The following PDE9A variants were observed in gnomAD, a reference collection of about 807,000 sequenced individuals.
The protein encoded by PDE9A is phosphodiesterase 9A, also known as high affinity cGMP-specific 3',5'-cyclic phosphodiesterase 9A.
Under a neutral mutation model 87.4 loss-of-function variants are expected in PDE9A, and 60 were observed. That is an observed-to-expected ratio of 0.69 (90% CI 0.56 to 0.85). The LOEUF (loss-of-function observed/expected upper bound fraction) is 0.85. Ranked by LOEUF, PDE9A falls within the 40% of genes least tolerant of loss-of-function variation. PDE9A has a pLI of 0.00. For synonymous variants in PDE9A, 272 were observed against 279.4 expected (o/e 0.97, Z 0.27); for missense variants, 665 against 779.0 (o/e 0.85, Z 1.74).
intron 1 of PDE9A, among the ~76,000 whole-genome samples, chr21:42,669,696 A>G (rs983645923): frequency 6.6e-6 from 1 of 152,152 alleles, no homozygotes; most frequent in African/African-American, 2.4e-5. Context: ...CAGTTTCAAC[A>G]TCAGTGACAT....
chr21:42,706,439 G>A (rs1468177553), intron 4 of PDE9A, among the ~76,000 whole-genome samples: 1 of 152,158 alleles, frequency 6.6e-6, no homozygotes, highest in Non-Finnish European at 1.5e-5. Context: ...GAGGTCAGGA[G>A]TTTGAGACCA....
At chr21:42,663,306 C>T (rs1159849693) in intron 1 of PDE9A, among the ~76,000 whole-genome samples, 1 of 150,952 alleles carries the variant, frequency 6.6e-6, no homozygotes, top group African/African-American at 2.4e-5. Flanking sequence ...CACATACATA[C>T]ACACCGCGCA....
In PDE9A at chr21:42,695,319, C is replaced by T. The variant is rs2060082628; in HGVS notation, c.219-3649C>T. Among the ~76,000 whole-genome samples, 2 of 152,210 alleles carry T rather than the reference C, an allele frequency of 1.3e-5. No individual in the cohort carries two copies. The highest frequency in any genetic ancestry group is 2.1e-4 in the South Asian group (1 of 4,828). On this transcript the variant is annotated intron_variant, in intron 3 of 19. Coordinates refer to ENST00000291539, the MANE Select transcript of PDE9A (RefSeq NM_002606.3). This position sits in a 1 kb window ranked among gnomAD's most constrained non-coding sequence, Gnocchi z 4.3. ...TCTGGTGTCATTTTCCTTTCCAATC[C>T]GGGAACATTCTGGAGATCCTGACAT...
In PDE9A at chr21:42,739,285, G is replaced by C. The variant is rs888861517; in HGVS notation, c.569-4491G>C. On this transcript the variant is annotated intron_variant, in intron 7 of 19. Transcript: ENST00000291539. This position sits in a 1 kb window ranked among gnomAD's most constrained non-coding sequence, Gnocchi z 4.1. ...TGCTGTCTGCAGACCTCTCAGGCTT[G>C]AGGCCCCCCGCCCCACAGGACTGGC... Among the ~76,000 whole-genome samples the C allele has an allele frequency of 1.3e-5, 2 of 152,222 alleles. No homozygotes were observed. Among genetic ancestry groups the C allele is most frequent in the Non-Finnish European group, 2.9e-5 (2 of 68,044 alleles).
chr21:42,731,781 G>A lies in PDE9A; in HGVS notation c.274G>A (p.Asp92Asn). Residue 92 changes from aspartate to asparagine, a missense_variant, in exon 5 of 20, where the codon GAC (aspartate) becomes AAC (asparagine). Transcript: ENST00000291539. ...AIKQLSAGVE[D>N]KRTTSRGQSA... Reference sequence around the variant, plus strand: ...CCTGCTTTTTATAGCTGGTGTCGAGGACAAGAGAACCACAAGCCGTGGCCA... The same window carrying A: ...CCTGCTTTTTATAGCTGGTGTCGAGAACAAGAGAACCACAAGCCGTGGCCA... 1 of 1,612,910 alleles carries A rather than the reference G, an allele frequency of 6.2e-7. No individual in the cohort carries two copies. The highest frequency in any genetic ancestry group is 1.7e-5 in the Admixed American group (1 of 59,708).
rs998548978 is a variant in PDE9A at position 42,692,712 on chromosome 21, G to T, written c.218+4718G>T. On this transcript the variant is annotated intron_variant, in intron 3 of 19. Coordinates refer to ENST00000291539, the MANE Select transcript of PDE9A (RefSeq NM_002606.3). This position sits in a 1 kb window ranked among gnomAD's most constrained non-coding sequence, Gnocchi z 4.3. Reference sequence around the variant, plus strand: ...CCAGGGGCTTTTCTCTCCCGCTTCCGTCCCTCTTCCCTCGCCGGCAGGTGA... The same window carrying T: ...CCAGGGGCTTTTCTCTCCCGCTTCCTTCCCTCTTCCCTCGCCGGCAGGTGA... Among the ~76,000 whole-genome samples the T allele has an allele frequency of 4.6e-5, 7 of 152,044 alleles. No individual in the cohort carries two copies. Among genetic ancestry groups the T allele is most frequent in the African/African-American group, 1.7e-4 (7 of 41,408 alleles).
chr21:42,754,134 C>T (rs908078766), intron 10 of PDE9A, 70 bp downstream of exon 10: 45 of 842,844 alleles, frequency 5.3e-5, no homozygotes, highest in African/African-American at 3.4e-4. Context: ...CCAGTGGGAC[C>T]ACCCCCATCG....
chr21:42,703,553 C>T (rs1244701182), intron 4 of PDE9A, among the ~76,000 whole-genome samples: 1 of 152,198 alleles, frequency 6.6e-6, no homozygotes, highest in Non-Finnish European at 1.5e-5. Flanking sequence ...AGAAGAGCAT[C>T]GCTGGGAGCA....
At chr21:42,707,116 A>G (rs2048906709) in intron 4 of PDE9A, among the ~76,000 whole-genome samples, 1 of 152,216 alleles carries the variant, frequency 6.6e-6, no homozygotes, top group African/African-American at 2.4e-5. Flanking sequence ...AAATTTTTGT[A>G]TGAAAGATAC....
At position 42,659,670 on chromosome 21, in the gene PDE9A, C is replaced by CT. The variant is rs1406357827; in HGVS notation, c.69+5789dup. 6.6e-6 allele frequency among the ~76,000 whole-genome samples: 1 copy of CT among 152,188 alleles called. No individual in the cohort carries two copies. Among genetic ancestry groups the CT allele is most frequent in the Non-Finnish European group, 1.5e-5 (1 of 68,026 alleles). On this transcript the variant is annotated intron_variant, in intron 1 of 19. Coordinates refer to ENST00000291539, the MANE Select transcript of PDE9A (RefSeq NM_002606.3). The surrounding 1 kb of genome is among the most constrained non-coding windows in gnomAD (Gnocchi z 4.1). ...GTGGCAGCACCTTCCTGTCACTTGT[C>CT]TTGTCACTCCCCGAGTCCACTGTGA...
intron 1 of PDE9A, 86 bp downstream of exon 1, chr21:42,653,969 G>C: frequency 1.4e-6 from 1 of 733,392 alleles, no homozygotes. Flanking sequence ...CTGTCCGTGC[G>C]TCTGCCGGTC....
At chr21:42,754,371 A>T (rs1178499299) in intron 10 of PDE9A, among the ~76,000 whole-genome samples, 1 of 152,166 alleles carries the variant, frequency 6.6e-6, no homozygotes, top group African/African-American at 2.4e-5. Flanking sequence ...CTCATCCTGC[A>T]GACCCTCATG....
At position 42,717,901 on chromosome 21, in the gene PDE9A, G is replaced by GGTTT. The variant is rs1555920813; in HGVS notation, c.263-13869_263-13868insGTTT. 3.6e-3 allele frequency among the ~76,000 whole-genome samples: 75 copies of GGTTT among 20,754 alleles called. 1 individual carries two copies. The highest frequency in any genetic ancestry group is 0.017 in the East Asian group (2 of 116). 13.6% of individuals were successfully genotyped at this position (20,754 alleles called of 152,430 possible). ...TTCTTCTCTGGCTGCTTTCTTTGGG[G>GGTTT]TTTGTTTGTTTGTTTGTTTGTTTTG... On this transcript the variant is annotated intron_variant, in intron 4 of 19. Coordinates refer to ENST00000291539, the MANE Select transcript of PDE9A (RefSeq NM_002606.3).
intron 4 of PDE9A, among the ~76,000 whole-genome samples, chr21:42,726,624 A>ATATATATAT: frequency 8.6e-4 from 17 of 19,778 alleles, no homozygotes; most frequent in East Asian, 1.8e-3. Context: ...ATATATATAT[A>ATATATATAT]TTTTTTTTTT....
At chr21:42,687,813 G>A in intron 2 of PDE9A, 104 bp from the exon 3 acceptor site, 1 of 974,592 alleles carries the variant, frequency 1.0e-6, no homozygotes, top group Non-Finnish European at 1.6e-6. Flanking sequence ...GGCTGGTCCT[G>A]GGACTGTCCT....
At chr21:42,684,285 G>C (rs554418170) in intron 1 of PDE9A, among the ~76,000 whole-genome samples, 54 of 152,266 alleles carry the variant, frequency 3.5e-4, no homozygotes, top group African/African-American at 1.3e-3. Flanking sequence ...CTGCAGACTG[G>C]GGTTCTGTAG....
chr21:42,771,160 C>G (rs890693283), intron 18 of PDE9A, among the ~76,000 whole-genome samples: 1 of 152,182 alleles, frequency 6.6e-6, no homozygotes, highest in Non-Finnish European at 1.5e-5. Flanking sequence ...CTGGCCTGGC[C>G]CCAGGGCTGA....
At chr21:42,685,326 G>A (rs555857779) in intron 1 of PDE9A, among the ~76,000 whole-genome samples, 3 of 152,356 alleles carry the variant, frequency 2.0e-5, no homozygotes, top group Admixed American at 6.5e-5. Flanking sequence ...CGGCCATCCC[G>A]CGCGTAGGTG....
chr21:42,670,084 CACAT>C (rs886709177), intron 1 of PDE9A, among the ~76,000 whole-genome samples: 8 of 149,296 alleles, frequency 5.4e-5, no homozygotes, highest in African/African-American at 2.0e-4. Context: ...CATACTTACA[CACAT>C]TCTCATACAC....
Sources: allele counts gnomAD v4.1 joint callset (sites outside exome capture counted in the v4.1 genomes callset), GRCh38; gene constraint gnomAD v4.1.1; non-coding constraint Gnocchi (gnomAD v3.1); transcripts MANE v1.5; gene names NCBI Gene and HGNC (gene_info 2026-07-23, HGNC 2026-07-21).